ARHGAP39: variants seen among roughly 807,000 people sequenced by gnomAD.
The protein encoded by ARHGAP39 is Rho GTPase activating protein 39.
In ARHGAP39, 44 loss-of-function variants were observed where a neutral mutation model predicts 106.9. The ratio of observed to expected loss-of-function variants is 0.41; its 90% CI spans 0.32 to 0.53. The LOEUF (loss-of-function observed/expected upper bound fraction) is 0.53, where lower values mean the gene tolerates loss of function less well. Ranked by LOEUF, ARHGAP39 falls within the 20% of genes least tolerant of loss-of-function variation. The probability of loss-of-function intolerance (pLI) is 0.21; values close to 1 mark genes in which losing one functional copy is unlikely to be tolerated. For synonymous variants in ARHGAP39, 768 were observed against 693.2 expected (o/e 1.11, Z -1.69); for missense variants, 1,496 against 1,577.3 (o/e 0.95, Z 0.87).
intron 2 of ARHGAP39, among the ~76,000 whole-genome samples, chr8:144,596,873 A>C (rs1819642356): frequency 2.0e-5 from 3 of 152,194 alleles, no homozygotes; most frequent in Admixed American, 2.0e-4. Flanking sequence ...CGGAGGGCGC[A>C]GGCTCTGCCG....
At chr8:144,631,810 G>C (rs1448084651) in intron 1 of ARHGAP39, among the ~76,000 whole-genome samples, 2 of 152,252 alleles carry the variant, frequency 1.3e-5, no homozygotes, top group Non-Finnish European at 2.9e-5. Context: ...AACATCTCCT[G>C]TTTTCTTGTA....
In ARHGAP39 at chr8:144,547,854, C is replaced by A. The variant is rs1048385275; in HGVS notation, c.1232G>T (p.Arg411Leu). 1.3e-5 allele frequency: 21 copies of A among 1,586,698 alleles called. No individual in the cohort carries two copies. The highest frequency in any genetic ancestry group is 1.5e-5 in the Non-Finnish European group (17 of 1,167,240). Reference sequence around the variant, plus strand: ...CGCGTACTTGTGCCGCGGGCCGGCGCGCAGCTTGGGGCTGGAGCCCGCCTG... The same window carrying A: ...CGCGTACTTGTGCCGCGGGCCGGCGAGCAGCTTGGGGCTGGAGCCCGCCTG... Reference protein sequence around the residue: ...VEQAGSSPKLRAGPRHKYAPN... With the variant: ...VEQAGSSPKLLAGPRHKYAPN... The change falls in exon 5 of 12, where the codon CGC becomes CTC. Residue 411 changes from arginine to leucine, a missense_variant. This residue lies in a region of ARHGAP39 where 905 missense variants were observed against 816.4 expected (regional missense o/e 1.11). Coordinates refer to ENST00000377307, the MANE Select transcript of ARHGAP39 (RefSeq NM_025251.3). This position sits in a 1 kb window ranked among gnomAD's most constrained non-coding sequence, Gnocchi z 5.2.
At position 144,679,855 on chromosome 8, in the gene ARHGAP39, CTGT is replaced by C. The variant is rs1822348821; in HGVS notation, c.-82+5828_-82+5830del. Among the ~76,000 whole-genome samples the C allele has an allele frequency of 6.6e-6, 1 of 152,158 alleles. No homozygotes were observed. On this transcript the variant is annotated intron_variant, in intron 1 of 11. Coordinates refer to ENST00000377307, the MANE Select transcript of ARHGAP39 (RefSeq NM_025251.3). The surrounding 1 kb of genome is among the most constrained non-coding windows in gnomAD (Gnocchi z 4.7). ...ATTAGCCGGGCATGGTGGTAGGCAC[CTGT>C]AGTCCCAGTTACTTGGGAGGCTGAG...
chr8:144,612,181 GCTGCGCCGCTGCA>G (rs1820514789), intron 1 of ARHGAP39, among the ~76,000 whole-genome samples: 1 of 139,284 alleles, frequency 7.2e-6, no homozygotes, highest in South Asian at 2.6e-4. Flanking sequence ...GTGAGCCACG[GCTGCGCCGCTGCA>G]CTCCAGCCAG....
intron 7 of ARHGAP39, among the ~76,000 whole-genome samples, chr8:144,535,682 CCT>C (rs2130821320): frequency 6.6e-6 from 1 of 152,334 alleles, no homozygotes; most frequent in East Asian, 1.9e-4. Flanking sequence ...GCCCTGATCT[CCT>C]GTCCCCAGGC....
rs1186425801 is a variant in ARHGAP39 at position 144,627,576 on chromosome 8, GGAA to G, written c.-81-21884_-81-21882del. On this transcript the variant is annotated intron_variant, in intron 1 of 11. Coordinates refer to ENST00000377307, the MANE Select transcript of ARHGAP39 (RefSeq NM_025251.3). ...TCTCAAAAAAAAAAAAAAAAAGAAA[GGAA>G]GGAGGTTCACAATGATCTCAAACAG... Among the ~76,000 whole-genome samples the G allele has an allele frequency of 2.7e-4, 31 of 114,368 alleles. No homozygotes were observed. The South Asian group carries it at 8.7e-3, about 32-fold the overall frequency. The allele number at this position is 114,368 out of a possible 152,430, so 75.0% of individuals were successfully genotyped here.
intron 7 of ARHGAP39, 91 bp downstream of exon 7, chr8:144,537,629 GA>G: frequency 1.3e-6 from 1 of 778,972 alleles, no homozygotes; most frequent in Non-Finnish European, 2.1e-6. Context: ...CCCCCGCCCA[GA>G]AGCGGTTAGA....
chr8:144,596,378 C>T (rs1468448025), intron 2 of ARHGAP39, among the ~76,000 whole-genome samples: 5 of 151,446 alleles, frequency 3.3e-5, no homozygotes, highest in African/African-American at 9.7e-5. Context: ...GCAGAGGGGA[C>T]GGCTGAGGCC....
the ARHGAP39 span, among the ~76,000 whole-genome samples, chr8:144,692,354 G>A: frequency 6.6e-6 from 1 of 152,222 alleles, no homozygotes; most frequent in Admixed American, 6.5e-5. Flanking sequence ...AGGAGTGGGG[G>A]TGGGATCTGT....
chr8:144,577,994 T>G lies in ARHGAP39; in HGVS notation c.512+2852A>C, dbSNP rs373926289. Among the ~76,000 whole-genome samples, 101 of 152,344 alleles carry G rather than the reference T, an allele frequency of 6.6e-4. 1 individual carries two copies. The highest frequency in any genetic ancestry group is 1.9e-3 in the African/African-American group (80 of 41,586). On this transcript the variant is annotated intron_variant, in intron 3 of 11. Transcript: ENST00000377307. ...GATCCAAAATTCCAAAAGCTTTTTTTTTGTTGTTGTTAAAAGAAATGAAAA... is the reference window on the plus strand; with the variant it reads ...GATCCAAAATTCCAAAAGCTTTTTTGTTGTTGTTGTTAAAAGAAATGAAAA...
intron 3 of ARHGAP39, among the ~76,000 whole-genome samples, chr8:144,568,615 C>T (rs1160409483): frequency 6.6e-6 from 1 of 152,088 alleles, no homozygotes; most frequent in African/African-American, 2.4e-5. Flanking sequence ...TGTATTAAGA[C>T]ATTGATAACA....
intron 1 of ARHGAP39, among the ~76,000 whole-genome samples, chr8:144,666,594 G>A (rs114449809): frequency 0.012 from 1,761 of 152,176 alleles, 43 homozygotes; most frequent in African/African-American, 0.039. Context: ...TGGGTTTATG[G>A]GGGGCTTCTG....
rs117861542 is a variant in ARHGAP39, at chr8:144,551,565, C to T, written c.597-3076G>A. 3.8e-3 allele frequency among the ~76,000 whole-genome samples: 575 copies of T among 152,306 alleles called. 3 individuals carry two copies. Among genetic ancestry groups the T allele is most frequent in the Middle Eastern group, 0.01 (3 of 294 alleles). Reference sequence around the variant, plus strand: ...TACAGTGGCAGCTAGGTGAGGACCACGCCCCACGGCGCCCAGAGTGTCTCT... The same window carrying T: ...TACAGTGGCAGCTAGGTGAGGACCATGCCCCACGGCGCCCAGAGTGTCTCT... On this transcript the variant is annotated intron_variant, in intron 4 of 11. Coordinates refer to ENST00000377307, the MANE Select transcript of ARHGAP39 (RefSeq NM_025251.3).
intron 3 of ARHGAP39, among the ~76,000 whole-genome samples, chr8:144,556,643 C>T (rs180704998): frequency 6.8e-6 from 1 of 146,706 alleles, no homozygotes; most frequent in Non-Finnish European, 1.5e-5. Context: ...AAGCCTGAAC[C>T]TTCATAGTAT....
chr8:144,578,873 AAAC>A (rs1818863100), intron 3 of ARHGAP39, among the ~76,000 whole-genome samples: 1 of 151,296 alleles, frequency 6.6e-6, no homozygotes, highest in African/African-American at 2.4e-5. Flanking sequence ...AACAAAACAA[AAAC>A]AACAAAAACC....
At chr8:144,589,175 G>A (rs1819298101) in intron 2 of ARHGAP39, among the ~76,000 whole-genome samples, 2 of 152,250 alleles carry the variant, frequency 1.3e-5, no homozygotes, top group African/African-American at 4.8e-5. Context: ...CAGAGGCTCT[G>A]CGCTGCCTGT....
intron 1 of ARHGAP39, among the ~76,000 whole-genome samples, chr8:144,619,961 T>C (rs1820751327): frequency 6.7e-6 from 1 of 149,502 alleles, no homozygotes; most frequent in Non-Finnish European, 1.5e-5. Context: ...TGTGCCTGTG[T>C]GCGTGTGAGC....
rs1236372415 is a variant in ARHGAP39, at chr8:144,679,996, T to C, written c.-82+5690A>G. Reference sequence around the variant, plus strand: ...CTCCATCTCAAAAACAAAAAGAAAATTAAAATCTAAAGCCTTTAACTGGAA... The same window carrying C: ...CTCCATCTCAAAAACAAAAAGAAAACTAAAATCTAAAGCCTTTAACTGGAA... On this transcript the variant is annotated intron_variant, in intron 1 of 11. Transcript: ENST00000377307. This position sits in a 1 kb window ranked among gnomAD's most constrained non-coding sequence, Gnocchi z 4.7. Among the ~76,000 whole-genome samples, 4 of 151,964 alleles carry C rather than the reference T, an allele frequency of 2.6e-5. No individual in the cohort carries two copies. Among genetic ancestry groups the C allele is most frequent in the African/African-American group, 9.7e-5 (4 of 41,358 alleles).
intron 10 of ARHGAP39, among the ~76,000 whole-genome samples, chr8:144,531,181 C>T (rs1204640349): frequency 1.3e-5 from 2 of 151,084 alleles, no homozygotes. Context: ...AGCTGAAGGG[C>T]ACAGGGCAGA....
Sources: gnomAD v4.1 joint callset for allele counts (sites outside exome capture counted in the v4.1 genomes callset) on GRCh38, gnomAD v4.1.1 for gene constraint, gnomAD v4.1.1 regional missense constraint, Gnocchi (gnomAD v3.1) non-coding constraint, MANE v1.5 for transcripts, NCBI Gene and HGNC (gene_info 2026-07-23, HGNC 2026-07-21) for gene names.